The following C1orf115 variants were observed in gnomAD, a reference collection of about 807,000 sequenced individuals.
C1orf115 encodes the protein chromosome 1 open reading frame 115, also known as required for drug-induced death protein 1.
C1orf115 carries 14 observed loss-of-function variants against 12.5 expected under a neutral mutation model. The ratio of observed to expected loss-of-function variants is 1.12; its 90% CI spans 0.74 to 1.75. The LOEUF is 1.75. Ranked by LOEUF, C1orf115 falls within the 40% of genes most tolerant of loss-of-function variation. The pLI is 0.00. For missense variants in C1orf115, 237 were observed against 220.8 expected (o/e 1.07, Z -0.46); for synonymous variants, 109 against 104.6 (o/e 1.04, Z -0.26).
At chr1:220,694,114 C>A in intron 1 of C1orf115, among the ~76,000 whole-genome samples, 1 of 145,954 alleles carries the variant, frequency 6.9e-6, no homozygotes. Flanking sequence ...CTCAAGTAAG[C>A]CAGAAGTCAT....
intron 1 of C1orf115, 90 bp downstream of exon 1, chr1:220,690,801 A>G (rs1359791004): frequency 4.9e-6 from 7 of 1,442,232 alleles, no homozygotes; most frequent in South Asian, 2.6e-5. Flanking sequence ...CGACTCACCC[A>G]GTTTCTCCGG....
intron 1 of C1orf115, among the ~76,000 whole-genome samples, chr1:220,694,684 G>C (rs968052072): frequency 6.6e-6 from 1 of 152,204 alleles, no homozygotes; most frequent in Non-Finnish European, 1.5e-5. Flanking sequence ...ATGTGCTTAG[G>C]GCTACAAGGG....
chr1:220,695,016 G>C (rs930539117), intron 1 of C1orf115, among the ~76,000 whole-genome samples: 1 of 152,214 alleles, frequency 6.6e-6, no homozygotes, highest in Non-Finnish European at 1.5e-5. Flanking sequence ...ATTTCATAAA[G>C]TATGTCAAAA....
chr1:220,693,044 G>A (rs1221736426), intron 1 of C1orf115, among the ~76,000 whole-genome samples: 1 of 152,146 alleles, frequency 6.6e-6, no homozygotes, highest in African/African-American at 2.4e-5. Context: ...GGAGCCACCT[G>A]AGAGGGTCAC....
At chr1:220,691,925 C>T (rs971791729) in intron 1 of C1orf115, among the ~76,000 whole-genome samples, 5 of 152,204 alleles carry the variant, frequency 3.3e-5, no homozygotes, top group African/African-American at 1.2e-4. Context: ...TGGCTCCCCC[C>T]GCCCCCGGGG....
chr1:220,699,110 C>A lies in C1orf115; in HGVS notation c.*2379C>A, dbSNP rs75257712. On this transcript the variant is annotated 3_prime_UTR_variant, in exon 2 of 2. Coordinates refer to ENST00000294889, the MANE Select transcript of C1orf115 (RefSeq NM_024709.5). ...TTGACCAAGAGACTTCTTTTGTATC[C>A]TTTTCTTGTCCTATGATGTAAATAA... 1.3e-5 allele frequency: 2 copies of A among 152,126 alleles called. No homozygotes were observed. Among genetic ancestry groups the A allele is most frequent in the Non-Finnish European group, 2.9e-5 (2 of 68,008 alleles). 9.4% of individuals were successfully genotyped at this position (152,126 alleles called of 1,614,324 possible). A position where few individuals can be genotyped will look rare whatever the true frequency, so the allele number is the denominator to read the frequency against.
rs767644565 is a variant in C1orf115, at chr1:220,690,558, G to A, written c.156G>A (p.Gly52=). 1.4e-6 allele frequency: 2 copies of A among 1,476,224 alleles called. No homozygotes were observed. Among genetic ancestry groups the A allele is most frequent in the South Asian group, 2.7e-5 (2 of 73,260 alleles). The allele number at this position is 1,476,224 out of a possible 1,614,324, so 91.4% of individuals were successfully genotyped here. ...ADEAEAAAES[G]TSAADERGPG... is the part of the protein sequence containing the mutation. ...AGGCGGAGGCGGCGGCCGAGAGCGGGACGAGCGCGGCGGACGAGCGGGGCC... is the reference window on the plus strand; with the variant it reads ...AGGCGGAGGCGGCGGCCGAGAGCGGAACGAGCGCGGCGGACGAGCGGGGCC... Residue 52 remains glycine, a synonymous_variant, in exon 1 of 2, where the codon GGG becomes GGA. Coordinates refer to ENST00000294889, the MANE Select transcript of C1orf115 (RefSeq NM_024709.5).
chr1:220,694,370 C>A (rs1348507622), intron 1 of C1orf115, among the ~76,000 whole-genome samples: 1 of 152,106 alleles, frequency 6.6e-6, no homozygotes, highest in Non-Finnish European at 1.5e-5. Context: ...CTAAATATTC[C>A]CATTGTATAG....
chr1:220,690,808 C>G (rs1670091235), intron 1 of C1orf115, 97 bp downstream of exon 1: 1 of 1,368,622 alleles, frequency 7.3e-7, no homozygotes, highest in Non-Finnish European at 9.8e-7. Flanking sequence ...CCCAGTTTCT[C>G]CGGGCTGCAC....
chr1:220,696,550 T>C, intron 1 of C1orf115, 62 bp from the exon 2 acceptor site: 1 of 1,479,922 alleles, frequency 6.8e-7, no homozygotes, highest in African/African-American at 1.4e-5. Context: ...TCATGAAAGA[T>C]GGCAGAATTA....
chr1:220,691,582 G>A (rs1670108500), intron 1 of C1orf115, among the ~76,000 whole-genome samples: 2 of 152,178 alleles, frequency 1.3e-5, no homozygotes, highest in Non-Finnish European at 2.9e-5. Flanking sequence ...GGGAGCTTAG[G>A]TTTATCATCC....
chr1:220,697,330 G>C lies in C1orf115; in HGVS notation c.*599G>C, dbSNP rs1005804592. 1 of 152,210 alleles carries C rather than the reference G, an allele frequency of 6.6e-6. No homozygotes were observed. The highest frequency in any genetic ancestry group is 6.5e-5 in the Admixed American group (1 of 15,272). The allele number at this position is 152,210 out of a possible 1,614,324, so 9.4% of individuals were successfully genotyped here. On this transcript the variant is annotated 3_prime_UTR_variant, in exon 2 of 2. Coordinates refer to ENST00000294889, the MANE Select transcript of C1orf115 (RefSeq NM_024709.5). The surrounding 1 kb of genome is among the most constrained non-coding windows in gnomAD (Gnocchi z 4.5). ...AAGATATCTTGATGCTTTGAAAACT[G>C]TGTTGGCAGTGTGGCATGACTGTTT...
intron 1 of C1orf115, 83 bp downstream of exon 1, chr1:220,690,794 C>T: frequency 6.8e-7 from 1 of 1,467,820 alleles, no homozygotes; most frequent in East Asian, 2.8e-5. Flanking sequence ...TTACCATCGA[C>T]TCACCCAGTT....
chr1:220,694,262 G>T (rs149790970), intron 1 of C1orf115, among the ~76,000 whole-genome samples: 9 of 152,078 alleles, frequency 5.9e-5, no homozygotes, highest in Non-Finnish European at 4.4e-5. Flanking sequence ...TGACATTGGG[G>T]GGCACTTATA....
intron 1 of C1orf115, among the ~76,000 whole-genome samples, chr1:220,692,984 T>G (rs1429329607): frequency 6.6e-6 from 1 of 152,186 alleles, no homozygotes; most frequent in Non-Finnish European, 1.5e-5. Context: ...AGGTTAGGGT[T>G]GGATCTCTCC....
chr1:220,691,348 C>A (rs1670104423), intron 1 of C1orf115, among the ~76,000 whole-genome samples: 1 of 152,152 alleles, frequency 6.6e-6, no homozygotes, highest in South Asian at 2.1e-4. Flanking sequence ...ATGACAGTTT[C>A]CTTCGCGGAA....
intron 1 of C1orf115, among the ~76,000 whole-genome samples, chr1:220,692,931 G>C (rs933594690): frequency 6.6e-6 from 1 of 152,202 alleles, no homozygotes; most frequent in Non-Finnish European, 1.5e-5. Flanking sequence ...AGTGTTGCAC[G>C]CTAGTTCAAT....
chr1:220,690,621 C>G lies in C1orf115; in HGVS notation c.219C>G (p.Leu73=). 3 of 1,551,572 alleles carry G rather than the reference C, an allele frequency of 1.9e-6. No individual in the cohort carries two copies. Among genetic ancestry groups the G allele is most frequent in the Non-Finnish European group, 2.6e-6 (3 of 1,152,040 alleles). ...GCGCGCGGAGGGTGCACTTCGCCCT[C>G]CTGCCCGAGCGCTACGAGCCACTGG... ...TRGARRVHFA[L]LPERYEPLEE... Residue 73 remains leucine, a synonymous_variant, in exon 1 of 2, where the codon CTC becomes CTG. Coordinates refer to ENST00000294889, the MANE Select transcript of C1orf115 (RefSeq NM_024709.5).
At position 220,690,453 on chromosome 1, in the gene C1orf115, C is replaced by A; in HGVS notation, c.51C>A (p.Arg17=). The A allele has an allele frequency of 6.9e-7, 1 of 1,447,968 alleles. No homozygotes were observed. The highest frequency in any genetic ancestry group is 9.0e-7 in the Non-Finnish European group (1 of 1,107,392). 89.7% of individuals were successfully genotyped at this position (1,447,968 alleles called of 1,614,324 possible). A position where few individuals can be genotyped will look rare whatever the true frequency, so the allele number is the denominator to read the frequency against. ...LRSKAESSLL[R]RGPRGRGRTE... is the part of the protein sequence containing the mutation. ...GCAAGGCGGAGAGCAGCCTCCTGCG[C>A]CGCGGGCCCCGAGGGCGAGGGCGAA... Residue 17 remains arginine (R), a synonymous_variant, in exon 1 of 2, where the codon CGC becomes CGA. Transcript: ENST00000294889.
Sources: gnomAD v4.1 joint callset for allele counts (sites outside exome capture counted in the v4.1 genomes callset) on GRCh38, gnomAD v4.1.1 for gene constraint, Gnocchi (gnomAD v3.1) non-coding constraint, MANE v1.5 for transcripts, NCBI Gene and HGNC (gene_info 2026-07-23, HGNC 2026-07-21) for gene names.